MRPL44: variants seen among roughly 807,000 people sequenced by gnomAD.
MRPL44 encodes large ribosomal subunit protein mL44.
A neutral mutation model predicts 25.9 loss-of-function variants in MRPL44; 21 were observed. That is an observed-to-expected ratio of 0.81 (90% CI 0.58 to 1.17). The LOEUF is 1.17. Among genes scored for constraint, MRPL44 ranks in the 50% most tolerant of loss-of-function variants. The pLI, the probability that MRPL44 is intolerant of heterozygous loss-of-function variation, is 0.00. For synonymous variants in MRPL44, 169 were observed against 151.0 expected (o/e 1.12, Z -0.87); for missense variants, 410 against 398.9 (o/e 1.03, Z -0.24).
chr2:223,958,028 AAATT>A (rs1359153798), intron 1 of MRPL44, among the ~76,000 whole-genome samples: 2 of 152,200 alleles, frequency 1.3e-5, no homozygotes, highest in Non-Finnish European at 2.9e-5. Context: ...AGGAGAAAAA[AAATT>A]AATCTACAAC....
At chr2:223,964,513 C>T (rs531956875) in intron 3 of MRPL44, among the ~76,000 whole-genome samples, 3 of 152,092 alleles carry the variant, frequency 2.0e-5, no homozygotes, top group Non-Finnish European at 2.9e-5. Flanking sequence ...CCTTGTATCA[C>T]GAAAGACTTT....
upstream of MRPL44, among the ~76,000 whole-genome samples, chr2:223,955,597 C>T (rs531907690): frequency 7.2e-5 from 11 of 152,272 alleles, 1 homozygote; most frequent in African/African-American, 2.6e-4. Flanking sequence ...GGTTGTGTTC[C>T]CCAAGGGTTA....
At chr2:223,960,963 T>C (rs1014589514) in intron 2 of MRPL44, among the ~76,000 whole-genome samples, 3 of 152,246 alleles carry the variant, frequency 2.0e-5, no homozygotes, top group South Asian at 2.1e-4. Context: ...TTATGAAACA[T>C]AGATAATTCA....
At chr2:223,961,113 A>G (rs1689653761) in intron 2 of MRPL44, among the ~76,000 whole-genome samples, 1 of 152,210 alleles carries the variant, frequency 6.6e-6, no homozygotes, top group African/African-American at 2.4e-5. Context: ...TGAAGCCGCT[A>G]TCTAAATAGG....
intron 3 of MRPL44, among the ~76,000 whole-genome samples, chr2:223,966,270 C>G (rs534677212): frequency 1.3e-5 from 2 of 151,542 alleles, no homozygotes; most frequent in African/African-American, 4.8e-5. Flanking sequence ...CCATCATGCC[C>G]AGCCTAAAGT....
Position 223,957,602 on chromosome 2 carries a change from GAGTT to G in MRPL44, c.133_136del (p.Leu45SerfsTer40). Reference sequence around the variant, plus strand: ...CCGCGCCGCCTTCCGCTTCCAGAAGGAGTTAGAGCGGCAGCGCCTTCTGCGGTGC... The same window carrying G: ...CCGCGCCGCCTTCCGCTTCCAGAAGGAGAGCGGCAGCGCCTTCTGCGGTGC... On this transcript the variant is annotated frameshift_variant, in exon 1 of 4. Coordinates refer to ENST00000258383, the MANE Select transcript of MRPL44 (RefSeq NM_022915.5). LOFTEE classifies it high-confidence loss of function. 1.2e-6 allele frequency: 2 copies of G among 1,612,868 alleles called. No homozygotes were observed. The highest frequency in any genetic ancestry group is 1.7e-6 in the Non-Finnish European group (2 of 1,179,964).
Position 223,960,018 on chromosome 2 carries a change from T to C in MRPL44, c.648+16T>C, listed in dbSNP as rs778947471. On this transcript the variant is annotated intron_variant, in intron 2 of 3. Coordinates refer to ENST00000258383, the MANE Select transcript of MRPL44 (RefSeq NM_022915.5). ...TTTCATCAGGGTACGTAACTATTAA[T>C]TGGACATGCTTGAGATAGACAGAAG... 1.1e-4 allele frequency: 172 copies of C among 1,550,674 alleles called. 1 individual carries two copies. Among genetic ancestry groups the C allele is most frequent in the Middle Eastern group, 1.7e-4 (1 of 5,836 alleles).
chr2:223,960,211 G>A (rs1239189053), intron 2 of MRPL44, among the ~76,000 whole-genome samples: 1 of 152,168 alleles, frequency 6.6e-6, no homozygotes, highest in Non-Finnish European at 1.5e-5. Context: ...ATTGTGGGTT[G>A]TGATTTCTGA....
the MRPL44 span, among the ~76,000 whole-genome samples, chr2:223,952,139 T>G: frequency 6.6e-6 from 1 of 152,226 alleles, no homozygotes; most frequent in African/African-American, 2.4e-5. Context: ...TTCTGCAAAC[T>G]ACATGTCCCA....
chr2:223,957,218 C>T (rs939139487), upstream of MRPL44, among the ~76,000 whole-genome samples: 2 of 152,248 alleles, frequency 1.3e-5, no homozygotes, highest in Admixed American at 1.3e-4. Flanking sequence ...TGGGCGCAAA[C>T]GCCCTCAAGT....
At chr2:223,963,597 A>T (rs1689697353) in intron 2 of MRPL44, among the ~76,000 whole-genome samples, 159 bp from the exon 3 acceptor site, 1 of 152,194 alleles carries the variant, frequency 6.6e-6, no homozygotes. Context: ...ATGAAAAAGA[A>T]TAGTACATTT....
chr2:223,957,603 A>C lies in MRPL44; in HGVS notation c.131A>C (p.Glu44Ala). 2 of 1,612,888 alleles carry C rather than the reference A, an allele frequency of 1.2e-6. No individual in the cohort carries two copies. The highest frequency in any genetic ancestry group is 1.7e-4 in the Middle Eastern group (1 of 6,028). The change falls in exon 1 of 4, where the codon GAG (glutamate) becomes GCG (alanine). Residue 44 changes from glutamate to alanine, a missense_variant. Coordinates refer to ENST00000258383, the MANE Select transcript of MRPL44 (RefSeq NM_022915.5). Reference protein sequence around the residue: ...GFRAAFRFQKELERQRLLRCP... With the variant: ...GFRAAFRFQKALERQRLLRCP... ...CGCGCCGCCTTCCGCTTCCAGAAGG[A>C]GTTAGAGCGGCAGCGCCTTCTGCGG...
intron 2 of MRPL44, among the ~76,000 whole-genome samples, chr2:223,960,618 C>G (rs1015185428): frequency 1.3e-5 from 2 of 152,184 alleles, no homozygotes; most frequent in South Asian, 2.1e-4. Flanking sequence ...GATTCAGGCA[C>G]CTATCTGACT....
intron 2 of MRPL44, among the ~76,000 whole-genome samples, 162 bp from the exon 3 acceptor site, chr2:223,963,594 A>C (rs961786353): frequency 6.6e-6 from 1 of 152,200 alleles, no homozygotes; most frequent in African/African-American, 2.4e-5. Flanking sequence ...GGAATGAAAA[A>C]GAATAGTACA....
In MRPL44 at chr2:223,966,890, T is replaced by C; in HGVS notation, c.855T>C (p.Pro285=). 3 of 1,613,602 alleles carry C rather than the reference T, an allele frequency of 1.9e-6. No individual in the cohort carries two copies. Among genetic ancestry groups the C allele is most frequent in the South Asian group, 2.2e-5 (2 of 90,944 alleles). The change falls in exon 4 of 4, where the codon CCT becomes CCC. Residue 285 remains proline, a synonymous_variant. Coordinates refer to ENST00000258383, the MANE Select transcript of MRPL44 (RefSeq NM_022915.5). ...ATAAAAAGTTGATTGCAGAAGGACCTGGGGAAACAGTATTGGTTGCAGAAG... is the reference window on the plus strand; with the variant it reads ...ATAAAAAGTTGATTGCAGAAGGACCCGGGGAAACAGTATTGGTTGCAGAAG... ...YCDKKLIAEG[P]GETVLVAEEE... is the part of the protein sequence containing the mutation.
chr2:223,961,828 G>A (rs773416962), intron 2 of MRPL44, among the ~76,000 whole-genome samples: 9 of 152,096 alleles, frequency 5.9e-5, no homozygotes, highest in Non-Finnish European at 1.0e-4. Context: ...GGCGATAGAA[G>A]GTAATCACTT....
rs1475049872 is a variant in MRPL44, at chr2:223,963,951, TCTTAA to T, written c.827+21_827+25del. 2.5e-6 allele frequency: 4 copies of T among 1,602,792 alleles called. No homozygotes were observed. Among genetic ancestry groups the T allele is most frequent in the South Asian group, 2.3e-5 (2 of 88,840 alleles). ...CTTATACTGGTTAGTGAAATTTTAA[TCTTAA>T]CTTTATAACTTTGAGGAAATCCTAA... On this transcript the variant is annotated intron_variant, in intron 3 of 3. Transcript: ENST00000258383.
Position 223,967,275 on chromosome 2 carries a change from C to A in MRPL44, c.*241C>A. 2 of 395,538 alleles carry A rather than the reference C, an allele frequency of 5.1e-6. No individual in the cohort carries two copies. Among genetic ancestry groups the A allele is most frequent in the Non-Finnish European group, 4.5e-6 (1 of 221,862 alleles). The allele number at this position is 395,538 out of a possible 1,614,324, so 24.5% of individuals were successfully genotyped here. A position where few individuals can be genotyped will look rare whatever the true frequency, so the allele number is the denominator to read the frequency against. The stretch of plus-strand genomic sequence containing the variant: ...TGAGATGGAGTCTTACTCTGTCGCC[C>A]AGGCTGGACTGCAGTGGTGCGATCT... On this transcript the variant is annotated 3_prime_UTR_variant, in exon 4 of 4. Coordinates refer to ENST00000258383, the MANE Select transcript of MRPL44 (RefSeq NM_022915.5).
intron 2 of MRPL44, among the ~76,000 whole-genome samples, chr2:223,962,033 A>G (rs112155160): frequency 6.6e-6 from 1 of 152,194 alleles, no homozygotes; most frequent in African/African-American, 2.4e-5. Flanking sequence ...CCCTACTGAG[A>G]GTGGATGTAA....
Sources: gnomAD v4.1 joint callset for allele counts (sites outside exome capture counted in the v4.1 genomes callset) on GRCh38, gnomAD v4.1.1 for gene constraint, MANE v1.5 for transcripts, NCBI Gene and HGNC (gene_info 2026-07-23, HGNC 2026-07-21) for gene names.